Variants in C2CD3 observed in about 807,000 individuals in gnomAD.
The protein encoded by C2CD3 is C2 domain containing 3 centriole elongation regulator.
Under a neutral mutation model 234.0 loss-of-function variants are expected in C2CD3, and 148 were observed. That is an observed-to-expected ratio of 0.63 (90% CI 0.55 to 0.72). The LOEUF is 0.72. Among genes scored for constraint, C2CD3 ranks in the 30% least tolerant of loss-of-function variants. The pLI, the probability that C2CD3 is intolerant of heterozygous loss-of-function variation, is 0.00. For synonymous variants in C2CD3, 1,000 were observed against 1,035.4 expected, an observed-to-expected ratio of 0.97 and a Z score of 0.66; for missense variants, 2,577 against 2,811.5, an observed-to-expected ratio of 0.92 and a Z score of 1.89.
intron 24 of C2CD3, among the ~76,000 whole-genome samples, chr11:74,064,317 C>G (rs1161034863): frequency 6.6e-6 from 1 of 152,142 alleles, no homozygotes; most frequent in East Asian, 1.9e-4. Context: ...AATTCCCATT[C>G]ACAATTGCTT....
intron 24 of C2CD3, among the ~76,000 whole-genome samples, chr11:74,065,076 A>AAGCT (rs1954447501): frequency 1.3e-5 from 2 of 152,206 alleles, no homozygotes; most frequent in Non-Finnish European, 2.9e-5. Flanking sequence ...ATCTAATTAA[A>AAGCT]CTAAAGAGCT....
intron 24 of C2CD3, among the ~76,000 whole-genome samples, chr11:74,072,877 A>G (rs755857983): frequency 2.6e-5 from 4 of 152,152 alleles, no homozygotes; most frequent in Admixed American, 2.6e-4. Flanking sequence ...AAAACCATGG[A>G]AACAACTGCA....
At chr11:74,148,958 A>T (rs1483562750) in intron 3 of C2CD3, among the ~76,000 whole-genome samples, 1 of 102,646 alleles carries the variant, frequency 9.7e-6, no homozygotes, top group Non-Finnish European at 2.2e-5. Context: ...ATTTAGATTC[A>T]AACAGTTCGA....
chr11:74,105,927 T>C (rs992186158), intron 13 of C2CD3, among the ~76,000 whole-genome samples: 3 of 152,202 alleles, frequency 2.0e-5, no homozygotes, highest in African/African-American at 7.2e-5. Flanking sequence ...ACTCTTTACC[T>C]TTACCTACAA....
At position 74,049,354 on chromosome 11, in the gene C2CD3, C is replaced by T. The variant is rs147604114; in HGVS notation, c.5344G>A (p.Glu1782Lys). The T allele has an allele frequency of 2.7e-5, 44 of 1,614,072 alleles. No homozygotes were observed. Among genetic ancestry groups the T allele is most frequent in the Non-Finnish European group, 3.6e-5 (42 of 1,179,924 alleles). Reference sequence around the variant, plus strand: ...ATACATACCAGTGATTTTGAGGTCTCCACTCCACGCCTTGCTTGCCTTTCT... The same window carrying T: ...ATACATACCAGTGATTTTGAGGTCTTCACTCCACGCCTTGCTTGCCTTTCT... ...KEERQARRGV[E>K]TSKSLIPIYS... Residue 1782 changes from glutamate to lysine, a missense_variant, in exon 27 of 33, where the codon GAG becomes AAG. By Grantham distance (56) the Glu-to-Lys change is moderately conservative. Coordinates refer to ENST00000334126, the MANE Select transcript of C2CD3 (RefSeq NM_001286577.2).
chr11:74,138,198 T>C (rs905344460), intron 5 of C2CD3, among the ~76,000 whole-genome samples: 1 of 152,204 alleles, frequency 6.6e-6, no homozygotes, highest in African/African-American at 2.4e-5. Context: ...TGCTTTTTTA[T>C]TTCTGTCTAA....
Position 74,139,658 on chromosome 11 carries a change from G to T in C2CD3, c.654C>A (p.Ile218=). ...CTGCTAACTCTTTTCCATCAATTTTGATGGTATGTATGTCGCGAGGCCTTG... is the reference window on the plus strand; with the variant it reads ...CTGCTAACTCTTTTCCATCAATTTTTATGGTATGTATGTCGCGAGGCCTTG... ...VPSRPRDIHT[I]KIDGKELAAN... The change falls in exon 4 of 33, where the codon ATC becomes ATA. Residue 218 remains isoleucine (I), a synonymous_variant. Coordinates refer to ENST00000334126, the MANE Select transcript of C2CD3 (RefSeq NM_001286577.2). 1 of 1,614,016 alleles carries T rather than the reference G, an allele frequency of 6.2e-7. No homozygotes were observed. Among genetic ancestry groups the T allele is most frequent in the South Asian group, 1.1e-5 (1 of 91,078 alleles).
At position 74,138,860 on chromosome 11, in the gene C2CD3, A is replaced by T; in HGVS notation, c.815T>A (p.Leu272Gln). The T allele has an allele frequency of 6.2e-7, 1 of 1,613,996 alleles. No homozygotes were observed. Among genetic ancestry groups the T allele is most frequent in the Non-Finnish European group, 8.5e-7 (1 of 1,179,848 alleles). ...NSGQSLESVT[L>Q]KGRAPRKQMS... The stretch of plus-strand genomic sequence containing the variant: ...CTGCTTCCGTGGAGCTCTGCCTTTC[A>T]GAGTTACAGACTCTAAACTCTGTCC... The change falls in exon 5 of 33, where the codon CTG (leucine) becomes CAG (glutamine). Residue 272 changes from leucine to glutamine, a missense_variant. Transcript: ENST00000334126.
chr11:74,046,412 T>C (rs1953375768), intron 28 of C2CD3, among the ~76,000 whole-genome samples: 1 of 152,218 alleles, frequency 6.6e-6, no homozygotes, highest in Non-Finnish European at 1.5e-5. Flanking sequence ...GGTGTGATCA[T>C]AGCTCACTGC....
At chr11:74,104,116 T>C (rs968694726) in intron 13 of C2CD3, among the ~76,000 whole-genome samples, 1 of 152,160 alleles carries the variant, frequency 6.6e-6, no homozygotes, top group Non-Finnish European at 1.5e-5. Context: ...CATTTGACAA[T>C]CATCACAGTA....
intron 2 of C2CD3, among the ~76,000 whole-genome samples, chr11:74,163,371 CT>C (rs1856599046): frequency 6.6e-6 from 1 of 152,186 alleles, no homozygotes; most frequent in Non-Finnish European, 1.5e-5. Flanking sequence ...AGGCAAATTA[CT>C]TGACATATCA....
chr11:74,135,060 A>T (rs2135539240), intron 5 of C2CD3, among the ~76,000 whole-genome samples: 1 of 152,292 alleles, frequency 6.6e-6, no homozygotes, highest in Non-Finnish European at 1.5e-5. Context: ...ACTTAAAAAA[A>T]ATCCAAAATC....
Position 74,168,344 on chromosome 11 carries a change from C to T in C2CD3, c.325G>A (p.Asp109Asn), listed in dbSNP as rs1237350357. The T allele has an allele frequency of 1.9e-6, 3 of 1,611,918 alleles. No individual in the cohort carries two copies. The highest frequency in any genetic ancestry group is 2.5e-6 in the Non-Finnish European group (3 of 1,178,006). Residue 109 changes from aspartate to asparagine, a missense_variant and splice_region_variant, in exon 2 of 33, where the codon GAT becomes AAT. Asp to Asn is a conservative substitution (Grantham distance 23, BLOSUM62 1). Coordinates refer to ENST00000334126, the MANE Select transcript of C2CD3 (RefSeq NM_001286577.2). ...GPKQFTSYLT[D>N]MAVLVLEVIT... ...GTGCAATGATAAAACAATAACATACCTGTTAGATAAGAGGTAAACTGTTTT... is the reference window on the plus strand; with the variant it reads ...GTGCAATGATAAAACAATAACATACTTGTTAGATAAGAGGTAAACTGTTTT...
Position 74,092,448 on chromosome 11 carries a change from T to C in C2CD3, c.3485A>G (p.Glu1162Gly). 6.2e-7 allele frequency: 1 copy of C among 1,613,994 alleles called. No individual in the cohort carries two copies. The highest frequency in any genetic ancestry group is 1.1e-5 in the South Asian group (1 of 91,078). Reference protein sequence around the residue: ...TFNLPLTPRIENRKELRNQSS... With the variant: ...TFNLPLTPRIGNRKELRNQSS... The stretch of plus-strand genomic sequence containing the variant: ...CTGGTTCCTCAATTCTTTCCTGTTC[T>C]CAATCCTGGGGGTTAAAGGGAGATT... The change falls in exon 19 of 33, where the codon GAG becomes GGG. Residue 1162 changes from glutamate (E) to glycine (G), a missense_variant. Coordinates refer to ENST00000334126, the MANE Select transcript of C2CD3 (RefSeq NM_001286577.2).
chr11:74,044,940 A>T (rs965012151), intron 28 of C2CD3, among the ~76,000 whole-genome samples: 4 of 149,848 alleles, frequency 2.7e-5, no homozygotes, highest in African/African-American at 9.8e-5. Flanking sequence ...GATGAATCTA[A>T]TTTTTTTCTT....
intron 28 of C2CD3, among the ~76,000 whole-genome samples, chr11:74,044,771 A>G (rs1055052346): frequency 1.3e-5 from 2 of 151,844 alleles, no homozygotes; most frequent in Admixed American, 6.6e-5. Flanking sequence ...TGAATACCCA[A>G]TGCTTAGCTG....
intron 12 of C2CD3, 96 bp downstream of exon 12, chr11:74,108,938 A>G (rs1044562180): frequency 1.5e-6 from 1 of 685,096 alleles, no homozygotes; most frequent in African/African-American, 1.9e-5. Flanking sequence ...TACTGCCTGC[A>G]CCTGAAGATT....
At chr11:74,032,657 A>G (rs1952570098) in intron 31 of C2CD3, among the ~76,000 whole-genome samples, 1 of 152,094 alleles carries the variant, frequency 6.6e-6, no homozygotes, top group Non-Finnish European at 1.5e-5. Flanking sequence ...GGATTGCTTG[A>G]GGCCAGGAGT....
intron 24 of C2CD3, among the ~76,000 whole-genome samples, chr11:74,059,360 G>C (rs1046504164): frequency 3.6e-5 from 5 of 137,214 alleles, no homozygotes; most frequent in Admixed American, 2.3e-4. Context: ...GCAGTGAGCC[G>C]AGATTGCACC....
Sources: allele counts gnomAD v4.1 joint callset (sites outside exome capture counted in the v4.1 genomes callset), GRCh38; gene constraint gnomAD v4.1.1; transcripts MANE v1.5; gene names NCBI Gene and HGNC (gene_info 2026-07-23, HGNC 2026-07-21).